ARFGEF1: variants seen among roughly 807,000 people sequenced by gnomAD.
ARFGEF1 encodes ARF guanine nucleotide exchange factor 1.
Under a neutral mutation model 231.0 loss-of-function variants are expected in ARFGEF1, and 42 were observed. The observed-to-expected ratio is 0.18, with a 90% CI of 0.14 to 0.24. The LOEUF is 0.24. ARFGEF1 is among the 10% of genes least tolerant of loss of function. ARFGEF1 has a pLI of 1.00. For missense variants in ARFGEF1, 1,345 were observed against 2,192.0 expected (o/e 0.61, Z 7.72); for synonymous variants, 710 against 732.3 (o/e 0.97, Z 0.49).
intron 33 of ARFGEF1, among the ~76,000 whole-genome samples, chr8:67,213,983 C>T (rs1838838105): frequency 6.6e-6 from 1 of 152,156 alleles, no homozygotes; most frequent in Non-Finnish European, 1.5e-5. Flanking sequence ...GTAACAAACA[C>T]CTAAAAATGT....
At chr8:67,302,905 T>TAAAAAAAAAAAAAAAAAAAAAAAAAAAA (rs1563902346) in intron 1 of ARFGEF1, among the ~76,000 whole-genome samples, 1 of 100,234 alleles carries the variant, frequency 1.0e-5, no homozygotes, top group African/African-American at 3.9e-5. Context: ...ACCCCATCTC[T>TAAAAAAAAAAAAAAAAAAAAAAAAAAAA]TAAAAAAAAA....
At chr8:67,258,648 T>C (rs1840541456) in intron 15 of ARFGEF1, among the ~76,000 whole-genome samples, 1 of 152,146 alleles carries the variant, frequency 6.6e-6, no homozygotes, top group Admixed American at 6.5e-5. Context: ...ATGAGATGTT[T>C]ACATTCACCA....
At chr8:67,240,947 C>T (rs1839909229) in intron 19 of ARFGEF1, among the ~76,000 whole-genome samples, 1 of 152,008 alleles carries the variant, frequency 6.6e-6, no homozygotes, top group Non-Finnish European at 1.5e-5. Context: ...ACTTTTTGGC[C>T]ACTGAAAATT....
chr8:67,278,427 T>G (rs1442382837), intron 7 of ARFGEF1, among the ~76,000 whole-genome samples: 1 of 152,216 alleles, frequency 6.6e-6, no homozygotes, highest in Non-Finnish European at 1.5e-5. Context: ...ATTACTAATT[T>G]TGTTACTAAT....
chr8:67,272,142 C>T (rs185951853), intron 9 of ARFGEF1, among the ~76,000 whole-genome samples: 2 of 152,274 alleles, frequency 1.3e-5, no homozygotes, highest in East Asian at 3.9e-4. Flanking sequence ...TGATGTTCCC[C>T]TGAACCATAT....
chr8:67,310,156 G>A, intron 1 of ARFGEF1, among the ~76,000 whole-genome samples: 1 of 152,028 alleles, frequency 6.6e-6, no homozygotes, highest in Non-Finnish European at 1.5e-5. Flanking sequence ...CTCTCATGCG[G>A]AGCCGAAGCT....
At chr8:67,270,772 C>A (rs1185007296) in intron 10 of ARFGEF1, among the ~76,000 whole-genome samples, 2 of 150,050 alleles carry the variant, frequency 1.3e-5, no homozygotes, top group East Asian at 3.9e-4. Context: ...CACCTATGCT[C>A]CCAGCACTTT....
downstream of ARFGEF1, among the ~76,000 whole-genome samples, chr8:67,196,415 C>CAGTA (rs1353766728): frequency 6.6e-6 from 1 of 152,104 alleles, no homozygotes; most frequent in African/African-American, 2.4e-5. Context: ...TCTAATCACT[C>CAGTA]AGTAAGTGAT....
At position 67,199,071 on chromosome 8, in the gene ARFGEF1, G is replaced by A; in HGVS notation, c.5413C>T (p.Pro1805Ser). ...RFKAHASFYY[P>S]LLCEIMQFDL... Reference sequence around the variant, plus strand: ...AATTGCATAATTTCACATAAGAGAGGGTAGTAGAATGATGCATGAGCTTTA... The same window carrying A: ...AATTGCATAATTTCACATAAGAGAGAGTAGTAGAATGATGCATGAGCTTTA... Residue 1805 changes from proline to serine, a missense_variant, in exon 39 of 39, where the codon CCT becomes TCT. Pro to Ser is a moderately conservative substitution (Grantham distance 74). Around this residue, in one of 14 missense-constraint regions of ARFGEF1, gnomAD observed 161 missense variants for 284.9 expected, o/e 0.57. Coordinates refer to ENST00000262215, the MANE Select transcript of ARFGEF1 (RefSeq NM_006421.5). 1 of 1,610,284 alleles carries A rather than the reference G, an allele frequency of 6.2e-7. No individual in the cohort carries two copies. The highest frequency in any genetic ancestry group is 8.5e-7 in the Non-Finnish European group (1 of 1,179,162).
At chr8:67,211,447 AAC>A in intron 34 of ARFGEF1, 34 bp downstream of exon 34, 1 of 1,502,386 alleles carries the variant, frequency 6.7e-7, no homozygotes. Flanking sequence ...TCCTACATAA[AAC>A]ACAAATTTAT....
chr8:67,223,878 G>T (rs1282917465), intron 29 of ARFGEF1, among the ~76,000 whole-genome samples: 1 of 152,118 alleles, frequency 6.6e-6, no homozygotes, highest in Non-Finnish European at 1.5e-5. Flanking sequence ...CAGGTCCACT[G>T]ATAAACAATC....
At chr8:67,200,288 C>T (rs763060240) in intron 38 of ARFGEF1, 108 bp downstream of exon 38, 3 of 805,908 alleles carry the variant, frequency 3.7e-6, no homozygotes, top group South Asian at 2.7e-5. Flanking sequence ...GCAGCCTGGG[C>T]ACTGCTTGAT....
At chr8:67,190,821 C>A in intron 5 of ARFGEF1, 1 of 1,222,608 alleles carries the variant, frequency 8.2e-7, no homozygotes, top group Non-Finnish European at 1.2e-6. Context: ...GGGTTCTGAC[C>A]TGTGCTAAAT....
chr8:67,207,833 G>A (rs536717190), intron 34 of ARFGEF1, among the ~76,000 whole-genome samples: 1 of 152,332 alleles, frequency 6.6e-6, no homozygotes, highest in African/African-American at 2.4e-5. Context: ...TGAGTCAACA[G>A]TTCCAGGATG....
chr8:67,247,894 T>C (rs923694715), intron 19 of ARFGEF1, among the ~76,000 whole-genome samples: 5 of 150,274 alleles, frequency 3.3e-5, no homozygotes, highest in African/African-American at 1.2e-4. Context: ...CAAAATTCAG[T>C]AGCATTTCTA....
At chr8:67,337,488 C>T (rs188765147) in intron 1 of ARFGEF1, among the ~76,000 whole-genome samples, 2 of 152,244 alleles carry the variant, frequency 1.3e-5, no homozygotes, top group Admixed American at 1.3e-4. Flanking sequence ...GCCTAAGTCC[C>T]CATGGTCTCT....
downstream of ARFGEF1, among the ~76,000 whole-genome samples, chr8:67,196,447 C>T (rs1255008794): frequency 1.3e-5 from 2 of 152,126 alleles, no homozygotes; most frequent in Non-Finnish European, 2.9e-5. Context: ...AGGAAAGAGT[C>T]ATTCAAATAA....
rs79577226 is a variant in ARFGEF1, at chr8:67,339,417, T to G, written c.124+3747A>C. ...ATCTTCATAGATACTCTTCATTCGA[T>G]GTCAGAAAGCATAAGCTGAACTAGT... is the stretch of plus-strand genomic sequence containing the variant. On this transcript the variant is annotated intron_variant, in intron 1 of 38. Coordinates refer to ENST00000262215, the MANE Select transcript of ARFGEF1 (RefSeq NM_006421.5). 4.2e-3 allele frequency among the ~76,000 whole-genome samples: 641 copies of G among 152,178 alleles called. 9 individuals are homozygous for G. The highest frequency in any genetic ancestry group is 0.015 in the African/African-American group (609 of 41,512).
intron 17 of ARFGEF1, among the ~76,000 whole-genome samples, chr8:67,255,522 C>T (rs191728431): frequency 6.6e-6 from 1 of 152,106 alleles, no homozygotes; most frequent in Non-Finnish European, 1.5e-5. Flanking sequence ...TTGTTAAAAT[C>T]CACCTATTTT....
Sources: gnomAD v4.1 joint callset for allele counts (sites outside exome capture counted in the v4.1 genomes callset) on GRCh38, gnomAD v4.1.1 for gene constraint, gnomAD v4.1.1 regional missense constraint, MANE v1.5 for transcripts, NCBI Gene and HGNC (gene_info 2026-07-23, HGNC 2026-07-21) for gene names.